The following CACNA1B variants were observed in gnomAD, a reference collection of about 807,000 sequenced individuals.
CACNA1B encodes calcium voltage-gated channel subunit alpha1 B, also known as voltage-dependent N-type calcium channel subunit alpha-1B.
In CACNA1B, 70 loss-of-function variants were observed where a neutral mutation model predicts 247.2. That is an observed-to-expected ratio of 0.28 (90% CI 0.23 to 0.35). CACNA1B has a LOEUF of 0.35. Ranked by LOEUF, CACNA1B falls within the 10% of genes least tolerant of loss-of-function variation. The probability of loss-of-function intolerance (pLI) is 1.00; values close to 1 mark genes in which losing one functional copy is unlikely to be tolerated. For synonymous variants in CACNA1B, 1,231 were observed against 1,294.4 expected (o/e 0.95, Z 1.05); for missense variants, 2,367 against 3,197.4 (o/e 0.74, Z 6.26).
At position 138,114,480 on chromosome 9, in the gene CACNA1B, G is replaced by A; in HGVS notation, c.5639G>A (p.Gly1880Asp). 6.4e-7 allele frequency: 1 copy of A among 1,559,502 alleles called. No homozygotes were observed. The highest frequency in any genetic ancestry group is 8.7e-7 in the Non-Finnish European group (1 of 1,145,136). Residue 1880 changes from glycine to aspartate, a missense_variant, in exon 41 of 47, where the codon GGC (glycine) becomes GAC (aspartate). Gly to Asp is a moderately conservative substitution (Grantham distance 94). Around this residue, in one of 12 missense-constraint regions of CACNA1B, gnomAD observed 773 missense variants for 779.4 expected, o/e 0.99. Transcript: ENST00000371372. ...TRDQMQQAPG[G>D]LSQMGPVSLF... Reference sequence around the variant, plus strand: ...GACCAGATGCAGCAGGCTCCTGGAGGCCTCTCCCAGGTAGCTGGCGGCCCT... The same window carrying A: ...GACCAGATGCAGCAGGCTCCTGGAGACCTCTCCCAGGTAGCTGGCGGCCCT...
intron 15 of CACNA1B, among the ~76,000 whole-genome samples, chr9:138,002,120 CTT>C (rs1205134155): frequency 6.6e-6 from 1 of 152,050 alleles, no homozygotes; most frequent in Non-Finnish European, 1.5e-5. Context: ...TATATCATGA[CTT>C]TTTATAAAGC....
intron 23 of CACNA1B, among the ~76,000 whole-genome samples, chr9:138,047,818 G>T (rs1411452985): frequency 6.6e-6 from 1 of 152,246 alleles, no homozygotes; most frequent in African/African-American, 2.4e-5. Flanking sequence ...TTGGCTGGGG[G>T]AGGAGGAGAC....
chr9:137,882,716 G>A lies in CACNA1B; in HGVS notation c.391-28G>A. 2.5e-6 allele frequency: 4 copies of A among 1,613,700 alleles called. No homozygotes were observed. Among genetic ancestry groups the A allele is most frequent in the Non-Finnish European group, 2.5e-6 (3 of 1,179,688 alleles). ...GCTACTACACCGGGTAGGGGCCAGG[G>A]GTGACCACTGTTCTGCGCTTCTCCT... On this transcript the variant is annotated intron_variant, in intron 2 of 46. Coordinates refer to ENST00000371372, the MANE Select transcript of CACNA1B (RefSeq NM_000718.4). The surrounding 1 kb of genome is among the most constrained non-coding windows in gnomAD (Gnocchi z 4.0).
chr9:138,078,377 C>T, intron 36 of CACNA1B, 119 bp downstream of exon 36: 3 of 984,648 alleles, frequency 3.0e-6, no homozygotes, highest in Non-Finnish European at 4.5e-6. Context: ...AAGCTGAGTC[C>T]ATGCTGATGG....
chr9:137,886,502 A>G (rs1957015086), intron 3 of CACNA1B, among the ~76,000 whole-genome samples: 2 of 151,022 alleles, frequency 1.3e-5, no homozygotes, highest in South Asian at 2.1e-4. Context: ...CCTGTTCATC[A>G]TTCATTCATT....
chr9:138,036,659 G>A (rs1428932342), intron 20 of CACNA1B, among the ~76,000 whole-genome samples: 1 of 152,114 alleles, frequency 6.6e-6, no homozygotes, highest in East Asian at 1.9e-4. Flanking sequence ...TCCTATGTAT[G>A]ACTGTCTTCT....
intron 15 of CACNA1B, among the ~76,000 whole-genome samples, chr9:137,999,651 A>T (rs1248748702): frequency 6.6e-6 from 1 of 152,108 alleles, no homozygotes; most frequent in Non-Finnish European, 1.5e-5. Context: ...CTGGGGCCAT[A>T]GGCACACACC....
At position 138,072,416 on chromosome 9, in the gene CACNA1B, C is replaced by T. The variant is rs892080021; in HGVS notation, c.4675-1072C>T. Among the ~76,000 whole-genome samples the T allele has an allele frequency of 7.9e-5, 12 of 152,244 alleles. No individual in the cohort carries two copies. The highest frequency in any genetic ancestry group is 1.5e-4 in the Non-Finnish European group (10 of 68,042). ...GGAGAGTCGGGATGCTCTGCCAGGC[C>T]CTCACCGCCTCTGCGCCTGCACGTG... On this transcript the variant is annotated intron_variant, in intron 32 of 46. Transcript: ENST00000371372. This position sits in a 1 kb window ranked among gnomAD's most constrained non-coding sequence, Gnocchi z 4.5.
intron 12 of CACNA1B, 143 bp downstream of exon 12, chr9:137,976,162 C>T: frequency 1.6e-6 from 1 of 628,068 alleles, no homozygotes; most frequent in Non-Finnish European, 2.8e-6. Context: ...CAGTGAGGAG[C>T]AGGGGGCTGG....
intron 36 of CACNA1B, among the ~76,000 whole-genome samples, chr9:138,084,153 G>A (rs1960618395): frequency 6.6e-6 from 1 of 151,074 alleles, no homozygotes; most frequent in African/African-American, 2.5e-5. Flanking sequence ...GGCACTGTGG[G>A]CAACGTACAC....
intron 20 of CACNA1B, among the ~76,000 whole-genome samples, chr9:138,026,812 T>C (rs559063789): frequency 6.8e-4 from 103 of 152,340 alleles, no homozygotes; most frequent in African/African-American, 2.3e-3. Context: ...TTGGATTATA[T>C]GGTAAGACTG....
At position 138,020,635 on chromosome 9, in the gene CACNA1B, A is replaced by G. The variant is rs759535157; in HGVS notation, c.2268-2376A>G. ...GCTGACAGTGGCAGATAGGCCCGGA[A>G]GGAACAGGCCAGGTGGAACCAGTGG... On this transcript the variant is annotated intron_variant, in intron 18 of 46. Coordinates refer to ENST00000371372, the MANE Select transcript of CACNA1B (RefSeq NM_000718.4). This position sits in a 1 kb window ranked among gnomAD's most constrained non-coding sequence, Gnocchi z 4.1. Among the ~76,000 whole-genome samples the G allele has an allele frequency of 6.6e-5, 10 of 152,180 alleles. No individual in the cohort carries two copies. The highest frequency in any genetic ancestry group is 4.1e-4 in the South Asian group (2 of 4,826).
intron 3 of CACNA1B, among the ~76,000 whole-genome samples, chr9:137,911,905 T>A (rs953941361): frequency 9.2e-5 from 14 of 152,306 alleles, no homozygotes; most frequent in Non-Finnish European, 1.9e-4. Context: ...GGATGAAGTT[T>A]CAGGTTTGGT....
intron 15 of CACNA1B, among the ~76,000 whole-genome samples, chr9:137,996,254 A>G (rs147574592): frequency 1.8e-4 from 28 of 152,364 alleles, no homozygotes; most frequent in African/African-American, 6.5e-4. Context: ...ATATGGAACC[A>G]ACCCAGATGC....
chr9:137,945,442 T>C (rs1589023908), intron 6 of CACNA1B, among the ~76,000 whole-genome samples: 2 of 152,372 alleles, frequency 1.3e-5, no homozygotes, highest in South Asian at 4.1e-4. Context: ...TTGTCAGATA[T>C]GTCTGACCTT....
intron 20 of CACNA1B, 142 bp from the exon 21 acceptor site, chr9:138,043,632 C>G: frequency 1.2e-6 from 1 of 830,668 alleles, no homozygotes; most frequent in Non-Finnish European, 1.9e-6. Flanking sequence ...ACGTGAAGCA[C>G]TGTTCTTAGC....
intron 15 of CACNA1B, among the ~76,000 whole-genome samples, chr9:137,992,812 AAAT>A (rs1235607589): frequency 5.3e-5 from 8 of 151,946 alleles, no homozygotes; most frequent in Admixed American, 3.9e-4. Flanking sequence ...AAAAAAAAAA[AAAT>A]CTATATTATA....
chr9:138,114,305 C>T, intron 40 of CACNA1B, 73 bp from the exon 41 acceptor site: 1 of 776,606 alleles, frequency 1.3e-6, no homozygotes, highest in South Asian at 1.5e-5. Context: ...GTTTCCTCAC[C>T]TTACTTCCAT....
Position 137,974,324 on chromosome 9 carries a change from G to A in CACNA1B, c.1544-1583G>A, listed in dbSNP as rs924895181. On this transcript the variant is annotated intron_variant, in intron 11 of 46. Coordinates refer to ENST00000371372, the MANE Select transcript of CACNA1B (RefSeq NM_000718.4). The surrounding 1 kb of genome is among the most constrained non-coding windows in gnomAD (Gnocchi z 4.5). Reference sequence around the variant, plus strand: ...TCCATGCCTCTCACAGGGGGCTCTCGGCTTCTCCAGGGACACTGCTTGGCC... The same window carrying A: ...TCCATGCCTCTCACAGGGGGCTCTCAGCTTCTCCAGGGACACTGCTTGGCC... Among the ~76,000 whole-genome samples, 13 of 152,158 alleles carry A rather than the reference G, an allele frequency of 8.5e-5. No individual in the cohort carries two copies. The highest frequency in any genetic ancestry group is 1.9e-4 in the African/African-American group (8 of 41,442).
Sources: allele counts gnomAD v4.1 joint callset (sites outside exome capture counted in the v4.1 genomes callset), GRCh38; gene constraint gnomAD v4.1.1; regional missense constraint gnomAD v4.1.1; non-coding constraint Gnocchi (gnomAD v3.1); transcripts MANE v1.5; gene names NCBI Gene and HGNC (gene_info 2026-07-23, HGNC 2026-07-21).